XPO1: variants seen among roughly 807,000 people sequenced by gnomAD.
XPO1 encodes the protein exportin-1.
In XPO1, 5 loss-of-function variants were observed where a neutral mutation model predicts 133.3. That is an observed-to-expected ratio of 0.04 (90% CI 0.02 to 0.08). XPO1 has a LOEUF of 0.08. Among genes scored for constraint, XPO1 ranks in the 10% least tolerant of loss-of-function variants. XPO1 has a pLI of 1.00. For synonymous variants in XPO1, 419 were observed against 408.2 expected, an observed-to-expected ratio of 1.03 and a Z score of -0.32; for missense variants, 506 against 1,267.5, an observed-to-expected ratio of 0.40 and a Z score of 9.12.
intron 18 of XPO1, 55 bp downstream of exon 18, chr2:61,488,533 T>G (rs1553403727): frequency 6.6e-7 from 1 of 1,523,716 alleles, no homozygotes; most frequent in Non-Finnish European, 8.9e-7. Context: ...CTTAAGGCAG[T>G]AGAAGAGAAG....
At chr2:61,534,654 C>G (rs538239331) in intron 1 of XPO1, 1 of 152,276 alleles carries the variant, frequency 6.6e-6, no homozygotes, top group East Asian at 1.9e-4. Context: ...CACACTCTAG[C>G]CTGGGCAAGA....
intron 12 of XPO1, 138 bp from the exon 13 acceptor site, chr2:61,493,191 A>G (rs1482512736): frequency 2.3e-6 from 2 of 862,392 alleles, no homozygotes; most frequent in Non-Finnish European, 3.4e-6. Flanking sequence ...TATAATTCCA[A>G]CTATTCCGGA....
At chr2:61,522,131 AG>A (rs1698725853) in intron 4 of XPO1, among the ~76,000 whole-genome samples, 1 of 151,916 alleles carries the variant, frequency 6.6e-6, no homozygotes, top group Non-Finnish European at 1.5e-5. Flanking sequence ...GTGCAGTGGC[AG>A]GATCATGGCT....
rs762060825 is a variant in XPO1 at position 61,488,282 on chromosome 2, G to C, written c.2207-11C>G. On this transcript the variant is annotated splice_polypyrimidine_tract_variant and intron_variant, in intron 18 of 24. Coordinates refer to ENST00000401558, the MANE Select transcript of XPO1 (RefSeq NM_003400.4). Reference sequence around the variant, plus strand: ...TTGTAACCATTTCACCTACAAAACAGAATCAAATGGAATCTAATTTTACCA... The same window carrying C: ...TTGTAACCATTTCACCTACAAAACACAATCAAATGGAATCTAATTTTACCA... 6 of 1,606,322 alleles carry C rather than the reference G, an allele frequency of 3.7e-6. No homozygotes were observed. The highest frequency in any genetic ancestry group is 5.1e-6 in the Non-Finnish European group (6 of 1,173,532).
chr2:61,513,139 C>G (rs1698177350), intron 4 of XPO1, among the ~76,000 whole-genome samples: 1 of 151,992 alleles, frequency 6.6e-6, no homozygotes, highest in African/African-American at 2.4e-5. Context: ...ACTGCAACCT[C>G]CACCTCCCGA....
chr2:61,481,271 T>C lies in XPO1; in HGVS notation c.2983A>G (p.Lys995Glu). The C allele has an allele frequency of 6.2e-7, 1 of 1,609,238 alleles. No individual in the cohort carries two copies. Among genetic ancestry groups the C allele is most frequent in the Non-Finnish European group, 8.5e-7 (1 of 1,178,386 alleles). The stretch of plus-strand genomic sequence containing the variant: ...CTGAAAAGCCCTGTCACAAAGAGCT[T>C]TACTTGAGCACTGCAAATCAAAACA... ...AFPHLQDAQV[K>E]LFVTGLFSLN... The change falls in exon 24 of 25, where the codon AAG becomes GAG. Residue 995 changes from lysine to glutamate, a missense_variant. Physicochemically the swap from Lys to Glu is moderately conservative, Grantham distance 56 (BLOSUM62 1). Transcript: ENST00000401558.
intron 12 of XPO1, chr2:61,493,627 T>A: frequency 2.8e-6 from 1 of 359,390 alleles, no homozygotes; most frequent in South Asian, 4.4e-5. Context: ...GTCTCATTCC[T>A]AGACTCTGGT....
intron 12 of XPO1, chr2:61,493,574 A>AATGTGAT: frequency 3.9e-6 from 1 of 257,446 alleles, no homozygotes; most frequent in Non-Finnish European, 7.4e-6. Context: ...AGTGTGTTTT[A>AATGTGAT]ATGTGATTTT....
At chr2:61,522,816 C>A in intron 3 of XPO1, 133 bp from the exon 4 acceptor site, 1 of 665,292 alleles carries the variant, frequency 1.5e-6, no homozygotes, top group Non-Finnish European at 2.6e-6. Flanking sequence ...AGTTTAATTA[C>A]ACATATTAAA....
At chr2:61,493,081 A>G in intron 12 of XPO1, 28 bp from the exon 13 acceptor site, 1 of 1,541,788 alleles carries the variant, frequency 6.5e-7, no homozygotes, top group Non-Finnish European at 8.7e-7. Flanking sequence ...TCAATCAAGA[A>G]AAAAATCGTT....
intron 4 of XPO1, among the ~76,000 whole-genome samples, chr2:61,515,942 CACACACACA>C (rs1558664327): frequency 9.1e-4 from 44 of 48,562 alleles, no homozygotes; most frequent in Non-Finnish European, 1.7e-3. Flanking sequence ...AAAAACCACA[CACACACACA>C]CACACACACA....
intron 4 of XPO1, among the ~76,000 whole-genome samples, chr2:61,510,841 G>T (rs577018555): frequency 6.6e-6 from 1 of 151,456 alleles, no homozygotes; most frequent in Admixed American, 6.6e-5. Flanking sequence ...GGAGACTGAC[G>T]CAGGAGGATT....
chr2:61,512,536 C>T (rs576274161), intron 4 of XPO1, among the ~76,000 whole-genome samples: 1 of 152,240 alleles, frequency 6.6e-6, no homozygotes, highest in South Asian at 2.1e-4. Context: ...TTAAACTACA[C>T]GTTCAAGAGA....
chr2:61,502,376 G>A (rs2104532759), intron 4 of XPO1, 66 bp from the exon 5 acceptor site: 1 of 1,422,860 alleles, frequency 7.0e-7, no homozygotes, highest in Non-Finnish European at 9.8e-7. Flanking sequence ...AATAAATTTT[G>A]AGAACTAATT....
intron 4 of XPO1, among the ~76,000 whole-genome samples, chr2:61,518,519 A>C (rs544644468): frequency 2.6e-5 from 4 of 151,696 alleles, no homozygotes; most frequent in Admixed American, 2.6e-4. Flanking sequence ...CAGGAGGCTG[A>C]GGCAGGAGAA....
chr2:61,529,686 G>C (rs937316069), intron 2 of XPO1, among the ~76,000 whole-genome samples: 1 of 150,308 alleles, frequency 6.7e-6, no homozygotes, highest in African/African-American at 2.4e-5. Context: ...AAAAAAGAAA[G>C]AAATTATATG....
chr2:61,508,643 G>C (rs1351058329), intron 4 of XPO1, among the ~76,000 whole-genome samples: 1 of 152,156 alleles, frequency 6.6e-6, no homozygotes, highest in Admixed American at 6.6e-5. Context: ...GATACTCAAT[G>C]ATAGCGTAAA....
intron 4 of XPO1, among the ~76,000 whole-genome samples, chr2:61,514,515 C>T (rs1216384807): frequency 6.6e-6 from 1 of 151,572 alleles, no homozygotes; most frequent in African/African-American, 2.4e-5. Context: ...ATCGCTTGAA[C>T]CCGGGAAACA....
At chr2:61,496,828 T>G in intron 10 of XPO1, 51 bp downstream of exon 10, 1 of 1,451,256 alleles carries the variant, frequency 6.9e-7, no homozygotes, top group Non-Finnish European at 9.1e-7. Context: ...ATTTGGTATT[T>G]TCTAAGGCAC....
Sources: allele counts gnomAD v4.1 joint callset (sites outside exome capture counted in the v4.1 genomes callset), GRCh38; gene constraint gnomAD v4.1.1; transcripts MANE v1.5; gene names NCBI Gene and HGNC (gene_info 2026-07-23, HGNC 2026-07-21).